The following ATP6AP2 variants were observed in gnomAD, a reference collection of about 807,000 sequenced individuals.
The protein encoded by ATP6AP2 is ATPase H+ transporting accessory protein 2, also known as renin receptor.
ATP6AP2 carries 1 observed loss-of-function variant against 23.4 expected under a neutral mutation model. That is an observed-to-expected ratio of 0.04 (90% CI 0.02 to 0.20). The LOEUF is 0.20. Among genes scored for constraint, ATP6AP2 ranks in the 10% least tolerant of loss-of-function variants. The probability of loss-of-function intolerance (pLI) is 1.00; values close to 1 mark genes in which losing one functional copy is unlikely to be tolerated. For missense variants in ATP6AP2, 174 were observed against 271.3 expected, an observed-to-expected ratio of 0.64 and a Z score of 2.52; for synonymous variants, 90 against 97.1, an observed-to-expected ratio of 0.93 and a Z score of 0.43.
At chrX:40,592,060 T>C (rs1926645078) in intron 3 of ATP6AP2, 1 of 113,244 alleles carries the variant, frequency 8.8e-6, no homozygotes, top group Admixed American at 9.3e-5. Flanking sequence ...GTAAAACTAG[T>C]AAAGCTGGCT....
intron 3 of ATP6AP2, among the ~76,000 whole-genome samples, chrX:40,593,853 C>G (rs1286267295): frequency 9.0e-6 from 1 of 111,156 alleles, no homozygotes; most frequent in Non-Finnish European, 1.9e-5. Flanking sequence ...TTATGGACAC[C>G]GAGGTTGCTT....
At position 40,589,106 on chromosome X, in the gene ATP6AP2, C is replaced by T. The variant is rs759094089; in HGVS notation, c.158C>T (p.Ser53Phe). ...GTGGCTGCATTGTCCATGGGCTTCTCTGTGAAAGAAGTATGTATATATTTT... is the reference window on the plus strand; with the variant it reads ...GTGGCTGCATTGTCCATGGGCTTCTTTGTGAAAGAAGTATGTATATATTTT... ...PDVAALSMGF[S>F]VKEDLSWPGL... The change falls in exon 2 of 9, where the codon TCT becomes TTT. Residue 53 changes from serine (S) to phenylalanine (F), a missense_variant. Physicochemically the swap from Ser to Phe is radical, Grantham distance 155. Coordinates refer to ENST00000636580, the MANE Select transcript of ATP6AP2 (RefSeq NM_005765.3). 4.2e-5 allele frequency: 51 copies of T among 1,207,854 alleles called. No homozygotes were observed. The highest frequency in any genetic ancestry group is 5.5e-5 in the Non-Finnish European group (49 of 894,478).
At chrX:40,594,737 T>C (rs1188447481) in intron 3 of ATP6AP2, among the ~76,000 whole-genome samples, 2 of 112,399 alleles carry the variant, frequency 1.8e-5, no homozygotes, top group African/African-American at 6.5e-5. Context: ...GAAAAGATAG[T>C]TGGAATAGAT....
In ATP6AP2 at chrX:40,598,658, C is replaced by CT. The variant is rs759090833; in HGVS notation, c.535-14dup. On this transcript the variant is annotated intron_variant, in intron 5 of 8. Coordinates refer to ENST00000636580, the MANE Select transcript of ATP6AP2 (RefSeq NM_005765.3). ...TCTGGTGCACATTTAAAAGAATGCT[C>CT]TTTTTTTTTGGGCTCTCTGAAGGTT... 296 of 1,176,602 alleles carry CT rather than the reference C, an allele frequency of 2.5e-4. No individual in the cohort carries two copies. The highest frequency in any genetic ancestry group is 5.0e-4 in the Middle Eastern group (2 of 3,978).
At chrX:40,591,074 G>T in intron 2 of ATP6AP2, 160 bp from the exon 3 acceptor site, 1 of 584,341 alleles carries the variant, frequency 1.7e-6, no homozygotes. Context: ...TCTTGATTAG[G>T]GGATTGCAAC....
chrX:40,605,196 C>A (rs1481032406), intron 8 of ATP6AP2: 1 of 152,996 alleles, frequency 6.5e-6, no homozygotes, highest in Non-Finnish European at 1.3e-5. Flanking sequence ...TCCCGAAGTG[C>A]TGAGATTACA....
At chrX:40,583,219 T>C (rs890704464) in intron 1 of ATP6AP2, among the ~76,000 whole-genome samples, 3 of 111,657 alleles carry the variant, frequency 2.7e-5, no homozygotes, top group Non-Finnish European at 5.7e-5. Context: ...AGTGATGTCA[T>C]GTAGAAGAGG....
chrX:40,597,395 AT>A, intron 4 of ATP6AP2, 51 bp downstream of exon 4: 1 of 1,081,505 alleles, frequency 9.2e-7, no homozygotes, highest in Middle Eastern at 3.0e-4. Flanking sequence ...AGCTTTTATT[AT>A]TTGAAAATTA....
rs754855164 is a variant in ATP6AP2 at position 40,599,617 on chromosome X, A to G, written c.614A>G (p.Lys205Arg). The G allele has an allele frequency of 4.1e-6, 5 of 1,209,648 alleles. No homozygotes were observed. In the East Asian group the frequency reaches 8.9e-5, roughly 21 times the overall value. Residue 205 changes from lysine to arginine, a missense_variant, in exon 7 of 9, where the codon AAG (lysine) becomes AGG (arginine). Lys to Arg is a conservative substitution (Grantham distance 26). Coordinates refer to ENST00000636580, the MANE Select transcript of ATP6AP2 (RefSeq NM_005765.3). ...SLLSRHKHLAKDHSPDLYSLE... is the reference protein window; with the variant it reads ...SLLSRHKHLARDHSPDLYSLE... ...CTGTCTCGTCATAAGCATCTAGCCA[A>G]GGATCATTCTCCTGATTTATATTCA... is the stretch of plus-strand genomic sequence containing the variant.
At chrX:40,581,297 C>T (rs1258046095) in intron 1 of ATP6AP2, among the ~76,000 whole-genome samples, 195 bp downstream of exon 1, 3 of 113,215 alleles carry the variant, frequency 2.6e-5, no homozygotes, top group African/African-American at 9.6e-5. Flanking sequence ...CACGGGCCGC[C>T]GGGGCCGGGG....
chrX:40,584,457 C>T (rs983935105), intron 1 of ATP6AP2, among the ~76,000 whole-genome samples: 2 of 108,158 alleles, frequency 1.8e-5, no homozygotes, highest in Non-Finnish European at 3.8e-5. Context: ...CTACAACCTC[C>T]GCCTCTGGGG....
At chrX:40,589,304 G>C in intron 2 of ATP6AP2, 188 bp downstream of exon 2, 1 of 469,443 alleles carries the variant, frequency 2.1e-6, no homozygotes, top group Non-Finnish European at 3.4e-6. Context: ...AGGCCGAGGT[G>C]GGAGGCTCAG....
chrX:40,582,736 T>C (rs897097260), intron 1 of ATP6AP2, among the ~76,000 whole-genome samples: 13 of 112,587 alleles, frequency 1.2e-4, no homozygotes, highest in Non-Finnish European at 2.1e-4. Flanking sequence ...TTTGATCCTG[T>C]GGTTTAACTG....
intron 3 of ATP6AP2, among the ~76,000 whole-genome samples, chrX:40,594,192 TACA>T (rs1397579835): frequency 4.5e-5 from 5 of 112,198 alleles, no homozygotes; most frequent in African/African-American, 9.7e-5. Flanking sequence ...CATAAATATA[TACA>T]GTTACTATTT....
chrX:40,585,029 GC>G (rs1413660297), intron 1 of ATP6AP2, among the ~76,000 whole-genome samples: 1 of 112,298 alleles, frequency 8.9e-6, no homozygotes, highest in East Asian at 2.8e-4. Flanking sequence ...ACAGGTGTGA[GC>G]CATCATGCCT....
At chrX:40,587,447 T>C (rs945393538) in intron 1 of ATP6AP2, among the ~76,000 whole-genome samples, 6 of 112,000 alleles carry the variant, frequency 5.4e-5, no homozygotes, top group African/African-American at 1.9e-4. Flanking sequence ...AGTTTGGACA[T>C]TCCTGTTCTG....
intron 3 of ATP6AP2, chrX:40,595,863 A>T (rs1340063922): frequency 8.9e-6 from 1 of 111,994 alleles, no homozygotes; most frequent in Non-Finnish European, 1.9e-5. Context: ...CATTTCACAG[A>T]ATCATAAAAT....
chrX:40,582,883 A>C (rs1006637851), intron 1 of ATP6AP2, among the ~76,000 whole-genome samples: 6 of 112,030 alleles, frequency 5.4e-5, no homozygotes, highest in African/African-American at 1.9e-4. Context: ...CCTTACTAGC[A>C]TAGCCGAGTT....
chrX:40,604,061 T>C (rs751712637), intron 8 of ATP6AP2, among the ~76,000 whole-genome samples: 1 of 112,193 alleles, frequency 8.9e-6, no homozygotes, highest in Non-Finnish European at 1.9e-5. Flanking sequence ...GTGTTCCTAC[T>C]TTTAAAATTC....
Sources: gnomAD v4.1 joint callset for allele counts (sites outside exome capture counted in the v4.1 genomes callset) on GRCh38, gnomAD v4.1.1 for gene constraint, MANE v1.5 for transcripts, NCBI Gene and HGNC (gene_info 2026-07-23, HGNC 2026-07-21) for gene names.